LRIF1: variants seen among roughly 807,000 people sequenced by gnomAD.
The protein encoded by LRIF1 is ligand-dependent nuclear receptor-interacting factor 1.
Under a neutral mutation model 52.7 loss-of-function variants are expected in LRIF1, and 32 were observed. The ratio of observed to expected loss-of-function variants is 0.61; its 90% CI spans 0.46 to 0.82. The LOEUF is 0.82. Ranked by LOEUF, LRIF1 falls within the 40% of genes least tolerant of loss-of-function variation. The probability of loss-of-function intolerance (pLI) is 0.00; values close to 1 mark genes in which losing one functional copy is unlikely to be tolerated. For synonymous variants in LRIF1, 323 were observed against 317.4 expected, an observed-to-expected ratio of 1.02 and a Z score of -0.19; for missense variants, 887 against 892.0, an observed-to-expected ratio of 0.99 and a Z score of 0.07.
the LRIF1 span, among the ~76,000 whole-genome samples, chr1:110,890,180 A>T: frequency 6.6e-6 from 1 of 152,162 alleles, no homozygotes; most frequent in African/African-American, 2.4e-5. Flanking sequence ...AATGGAAAAA[A>T]ATCACTGCCC....
Position 110,951,960 on chromosome 1 carries a change from C to T in LRIF1, c.924G>A (p.Lys308=). ...QPFTPSLVPV[K]SSNNVASKIL... ...TCTTTGAAGCCACATTATTTGAAGA[C>T]TTAACAGGAACAAGAGATGGCGTAA... Residue 308 remains lysine (K), a synonymous_variant, in exon 2 of 4, where the codon AAG becomes AAA. Transcript: ENST00000369763. 1 of 1,614,080 alleles carries T rather than the reference C, an allele frequency of 6.2e-7. No individual in the cohort carries two copies. The highest frequency in any genetic ancestry group is 8.5e-7 in the Non-Finnish European group (1 of 1,180,010).
chr1:110,892,753 A>G, the LRIF1 span: 4 of 478,818 alleles, frequency 8.4e-6, no homozygotes, highest in Non-Finnish European at 1.5e-5. Flanking sequence ...CCTTGTAGCC[A>G]TTTTTATATT....
the LRIF1 span, chr1:110,894,929 A>G: frequency 1.3e-6 from 2 of 1,554,216 alleles, no homozygotes; most frequent in Non-Finnish European, 1.8e-6. Flanking sequence ...GCTTTTTACC[A>G]TGTCTCCTCT....
the LRIF1 span, among the ~76,000 whole-genome samples, chr1:110,910,806 G>C: frequency 2.6e-5 from 4 of 152,092 alleles, no homozygotes; most frequent in African/African-American, 7.2e-5. Flanking sequence ...TGAAATGAAT[G>C]AAAACAAAAA....
chr1:110,929,536 T>C, the LRIF1 span, among the ~76,000 whole-genome samples: 1 of 152,332 alleles, frequency 6.6e-6, no homozygotes, highest in East Asian at 1.9e-4. Flanking sequence ...CTTTTTTTCA[T>C]ATGCTTGTGG....
chr1:110,887,058 GTTTAT>G, the LRIF1 span, among the ~76,000 whole-genome samples: 8 of 146,770 alleles, frequency 5.5e-5, no homozygotes, highest in Admixed American at 1.4e-4. Context: ...CTCTATTTAT[GTTTAT>G]TTTATTTTAT....
At chr1:110,962,629 C>A (rs1257247547) in intron 1 of LRIF1, among the ~76,000 whole-genome samples, 1 of 152,164 alleles carries the variant, frequency 6.6e-6, no homozygotes, top group Non-Finnish European at 1.5e-5. Flanking sequence ...ATTTCATTCT[C>A]CTAATCTTTA....
At chr1:110,895,164 C>T in the LRIF1 span, 1 of 774,808 alleles carries the variant, frequency 1.3e-6, no homozygotes, top group East Asian at 2.6e-5. Flanking sequence ...AGGTCCACAT[C>T]CCTGAATCCC....
At chr1:110,931,483 C>A in the LRIF1 span, among the ~76,000 whole-genome samples, 1 of 152,152 alleles carries the variant, frequency 6.6e-6, no homozygotes, top group Non-Finnish European at 1.5e-5. Flanking sequence ...GATTTAAAAT[C>A]CTTTGGGTAT....
intron 2 of LRIF1, among the ~76,000 whole-genome samples, chr1:110,950,938 CATGT>C (rs1380083768): frequency 2.6e-5 from 4 of 152,114 alleles, no homozygotes; most frequent in African/African-American, 4.8e-5. Flanking sequence ...TACATATATA[CATGT>C]ATGTATATAC....
chr1:110,895,500 A>G, the LRIF1 span, among the ~76,000 whole-genome samples: 1 of 152,172 alleles, frequency 6.6e-6, no homozygotes, highest in South Asian at 2.1e-4. Flanking sequence ...AGCATATACA[A>G]GCTCTGCATT....
At chr1:110,955,011 A>G (rs965496125) in intron 1 of LRIF1, among the ~76,000 whole-genome samples, 1 of 152,176 alleles carries the variant, frequency 6.6e-6, no homozygotes, top group African/African-American at 2.4e-5. Context: ...AACAATTTCA[A>G]TATTTCTATC....
the LRIF1 span, among the ~76,000 whole-genome samples, chr1:110,928,486 G>A: frequency 6.6e-6 from 1 of 152,158 alleles, no homozygotes; most frequent in Non-Finnish European, 1.5e-5. Flanking sequence ...TAATTCATCA[G>A]TGAACAAAAC....
In LRIF1 at chr1:110,951,672, G is replaced by C. The variant is rs1201436591; in HGVS notation, c.1212C>G (p.Val404=). ...TTACAACCTCTCTGGATATTTCTGT[G>C]ACTGGACTTGAACTCACTGTCTGTA... is the stretch of plus-strand genomic sequence containing the variant. ...DTLQTVSSSP[V]TEISREVVNI... The change falls in exon 2 of 4, where the codon GTC becomes GTG. Residue 404 remains valine (V), a synonymous_variant. Coordinates refer to ENST00000369763, the MANE Select transcript of LRIF1 (RefSeq NM_018372.4). The C allele has an allele frequency of 3.1e-6, 5 of 1,614,032 alleles. No individual in the cohort carries two copies. Among genetic ancestry groups the C allele is most frequent in the African/African-American group, 1.3e-5 (1 of 75,038 alleles).
the LRIF1 span, among the ~76,000 whole-genome samples, chr1:110,918,302 A>G: frequency 6.6e-6 from 1 of 152,186 alleles, no homozygotes; most frequent in Non-Finnish European, 1.5e-5. Flanking sequence ...ACTGTGTAGT[A>G]AGACAGGAAC....
the LRIF1 span, among the ~76,000 whole-genome samples, chr1:110,922,208 T>C: frequency 6.6e-6 from 1 of 152,194 alleles, no homozygotes; most frequent in Non-Finnish European, 1.5e-5. Context: ...TGTAGAGAGG[T>C]AGTACCTTTA....
downstream of LRIF1, chr1:110,945,243 ATATG>A (rs1009316406): frequency 2.0e-4 from 30 of 152,350 alleles, no homozygotes; most frequent in African/African-American, 6.0e-4. Flanking sequence ...GATCAAAAAT[ATATG>A]TATGTATGAC....
At chr1:110,914,721 C>A in the LRIF1 span, among the ~76,000 whole-genome samples, 1 of 152,022 alleles carries the variant, frequency 6.6e-6, no homozygotes, top group African/African-American at 2.4e-5. Flanking sequence ...CCATTGCACT[C>A]CAGCCTGGGT....
chr1:110,890,429 T>C, the LRIF1 span, among the ~76,000 whole-genome samples: 1 of 152,106 alleles, frequency 6.6e-6, no homozygotes, highest in African/African-American at 2.4e-5. Flanking sequence ...TATCCGGGCA[T>C]GATGGTGCAT....
Sources: gnomAD v4.1 joint callset for allele counts (sites outside exome capture counted in the v4.1 genomes callset) on GRCh38, gnomAD v4.1.1 for gene constraint, MANE v1.5 for transcripts, NCBI Gene and HGNC (gene_info 2026-07-23, HGNC 2026-07-21) for gene names.